EPHB1: variants seen among roughly 807,000 people sequenced by gnomAD.
The protein encoded by EPHB1 is EPH receptor B1.
In EPHB1, 30 loss-of-function variants were observed where a neutral mutation model predicts 94.4. That is an observed-to-expected ratio of 0.32 (90% CI 0.24 to 0.43). The LOEUF (loss-of-function observed/expected upper bound fraction) is 0.43, where lower values mean the gene tolerates loss of function less well. Among genes scored for constraint, EPHB1 ranks in the 20% least tolerant of loss-of-function variants. The pLI is 1.00. For missense variants in EPHB1, 1,055 were observed against 1,308.3 expected, an observed-to-expected ratio of 0.81 and a Z score of 2.99; for synonymous variants, 522 against 489.1, an observed-to-expected ratio of 1.07 and a Z score of -0.89.
intron 13 of EPHB1, among the ~76,000 whole-genome samples, chr3:135,243,326 C>T (rs1943839683): frequency 6.6e-6 from 1 of 152,146 alleles, no homozygotes; most frequent in South Asian, 2.1e-4. Context: ...TGACTAAACA[C>T]TGTGCTTGCT....
At chr3:135,038,485 G>A (rs554862840) in intron 3 of EPHB1, among the ~76,000 whole-genome samples, 1 of 152,312 alleles carries the variant, frequency 6.6e-6, no homozygotes, top group South Asian at 2.1e-4. Context: ...CAGTCTGGCA[G>A]CTGACCCTGT....
chr3:135,060,936 C>T (rs1220009169), intron 3 of EPHB1, among the ~76,000 whole-genome samples: 1 of 152,018 alleles, frequency 6.6e-6, no homozygotes, highest in Middle Eastern at 3.2e-3. Context: ...TACCTCCTCC[C>T]AACACCCTCA....
intron 1 of EPHB1, among the ~76,000 whole-genome samples, chr3:134,902,933 C>T (rs773809345): frequency 7.9e-5 from 12 of 152,190 alleles, no homozygotes; most frequent in Non-Finnish European, 1.5e-4. Context: ...GATAATGTGG[C>T]CTGGAAATGC....
chr3:135,042,168 A>G (rs1936869955), intron 3 of EPHB1, among the ~76,000 whole-genome samples: 1 of 152,160 alleles, frequency 6.6e-6, no homozygotes, highest in African/African-American at 2.4e-5. Flanking sequence ...TTGGACTCAA[A>G]TGATCCAACT....
At chr3:135,116,464 C>T (rs1200243439) in intron 4 of EPHB1, among the ~76,000 whole-genome samples, 1 of 152,166 alleles carries the variant, frequency 6.6e-6, no homozygotes, top group Non-Finnish European at 1.5e-5. Flanking sequence ...GATAATGGCA[C>T]CAGATCCTGA....
At chr3:134,990,000 G>T (rs1482390650) in intron 3 of EPHB1, among the ~76,000 whole-genome samples, 1 of 151,796 alleles carries the variant, frequency 6.6e-6, no homozygotes, top group East Asian at 1.9e-4. Flanking sequence ...TTATTTTAAG[G>T]TTTATAACTT....
At chr3:134,830,452 T>G (rs2036560922) in intron 1 of EPHB1, among the ~76,000 whole-genome samples, 1 of 152,230 alleles carries the variant, frequency 6.6e-6, no homozygotes, top group Admixed American at 6.5e-5. Flanking sequence ...AATTTTAATT[T>G]TTATTAACAT....
At chr3:135,208,865 C>G (rs1191421317) in intron 12 of EPHB1, among the ~76,000 whole-genome samples, 1 of 152,090 alleles carries the variant, frequency 6.6e-6, no homozygotes, top group Non-Finnish European at 1.5e-5. Context: ...CATATACTCC[C>G]CTAAAAGCAA....
intron 10 of EPHB1, among the ~76,000 whole-genome samples, chr3:135,184,383 A>G (rs991737194): frequency 6.6e-6 from 1 of 152,224 alleles, no homozygotes; most frequent in Non-Finnish European, 1.5e-5. Flanking sequence ...TAAAAATATA[A>G]TAATTGTGAG....
At chr3:134,945,780 A>G (rs1378387817) in intron 2 of EPHB1, among the ~76,000 whole-genome samples, 1 of 152,244 alleles carries the variant, frequency 6.6e-6, no homozygotes, top group Non-Finnish European at 1.5e-5. Flanking sequence ...AGAAGCAGCC[A>G]TTGAATGGAA....
chr3:135,039,772 A>G (rs1936774181), intron 3 of EPHB1, among the ~76,000 whole-genome samples: 1 of 152,130 alleles, frequency 6.6e-6, no homozygotes, highest in Non-Finnish European at 1.5e-5. Flanking sequence ...GCTGGCCCGC[A>G]AGCGCCGCAC....
intron 1 of EPHB1, chr3:134,852,547 C>T (rs1320934013): frequency 6.6e-6 from 1 of 152,120 alleles, no homozygotes; most frequent in Admixed American, 6.5e-5. Context: ...ATACATCAGC[C>T]TCATCGGAAG....
chr3:135,123,725 AG>A lies in EPHB1; in HGVS notation c.962-8988del, dbSNP rs1247470854. On this transcript the variant is annotated intron_variant, in intron 4 of 15. Transcript: ENST00000398015. ...TAAGTTGGGGATAATAATGCCTCAT[AG>A]AATTTTGAGAGAAAATAGTGACATA... 3.4e-5 allele frequency among the ~76,000 whole-genome samples: 5 copies of A among 148,198 alleles called. 1 individual carries two copies. Among genetic ancestry groups the A allele is most frequent in the African/African-American group, 5.3e-5 (2 of 37,716 alleles).
chr3:135,066,403 C>T (rs1398712962), intron 3 of EPHB1, among the ~76,000 whole-genome samples: 2 of 152,274 alleles, frequency 1.3e-5, no homozygotes. Flanking sequence ...TTTTCTTATT[C>T]CTTTTTCTTT....
Position 135,166,995 on chromosome 3 carries a change from G to T in EPHB1, c.1748G>T (p.Ser583Ile). 6.2e-7 allele frequency: 1 copy of T among 1,614,146 alleles called. No homozygotes were observed. The highest frequency in any genetic ancestry group is 8.5e-7 in the Non-Finnish European group (1 of 1,179,994). The change falls in exon 9 of 16, where the codon AGC (serine) becomes ATC (isoleucine). Residue 583 changes from serine (S) to isoleucine (I), a missense_variant. Physicochemically the swap from Ser to Ile is moderately radical, Grantham distance 142. Coordinates refer to ENST00000398015, the MANE Select transcript of EPHB1 (RefSeq NM_004441.5). ...TACAGCGATAAGCTCCAGCATTACA[G>T]CACAGGCCGAGGTAAGTAGAAAGCA... ...AVYSDKLQHY[S>I]TGRGSPGMKI...
intron 3 of EPHB1, among the ~76,000 whole-genome samples, chr3:135,088,136 G>A (rs143819037): frequency 3.3e-3 from 499 of 152,192 alleles, no homozygotes; most frequent in Non-Finnish European, 5.0e-3. Context: ...TAAGCCTCTC[G>A]TCTGAACTCA....
chr3:134,942,773 G>T (rs1341906758), intron 2 of EPHB1, among the ~76,000 whole-genome samples: 1 of 152,210 alleles, frequency 6.6e-6, no homozygotes, highest in Admixed American at 6.5e-5. Flanking sequence ...ATAAAATGGT[G>T]TTCCATAATT....
At chr3:135,058,281 T>C (rs1937400292) in intron 3 of EPHB1, among the ~76,000 whole-genome samples, 1 of 152,146 alleles carries the variant, frequency 6.6e-6, no homozygotes, top group South Asian at 2.1e-4. Flanking sequence ...GCACTAATAT[T>C]TGACCCATCT....
intron 12 of EPHB1, among the ~76,000 whole-genome samples, chr3:135,204,996 T>C (rs1942864328): frequency 7.0e-6 from 1 of 141,916 alleles, no homozygotes; most frequent in Admixed American, 7.5e-5. Flanking sequence ...TCTCCATGAG[T>C]TCAATTGTTT....
Sources: gnomAD v4.1 joint callset for allele counts (sites outside exome capture counted in the v4.1 genomes callset) on GRCh38, gnomAD v4.1.1 for gene constraint, MANE v1.5 for transcripts, NCBI Gene and HGNC (gene_info 2026-07-23, HGNC 2026-07-21) for gene names.